The following PEX14 variants were observed in gnomAD, a reference collection of about 807,000 sequenced individuals.
PEX14 encodes peroxisomal membrane protein PEX14.
Under a neutral mutation model 49.5 loss-of-function variants are expected in PEX14, and 15 were observed. The observed-to-expected ratio is 0.30, with a 90% CI of 0.20 to 0.47. PEX14 has a LOEUF of 0.47. PEX14 is among the 20% of genes least tolerant of loss of function. PEX14 has a pLI of 1.00. For missense variants in PEX14, 398 were observed against 494.8 expected, an observed-to-expected ratio of 0.80 and a Z score of 1.86; for synonymous variants, 210 against 212.7, an observed-to-expected ratio of 0.99 and a Z score of 0.11.
At chr1:10,551,535 G>A (rs953911248) in intron 3 of PEX14, among the ~76,000 whole-genome samples, 2 of 152,028 alleles carry the variant, frequency 1.3e-5, no homozygotes, top group African/African-American at 4.8e-5. Context: ...GGCAGTAAAT[G>A]TATTTCACGC....
intron 3 of PEX14, among the ~76,000 whole-genome samples, chr1:10,589,790 T>A (rs569800813): frequency 6.6e-6 from 1 of 152,358 alleles, no homozygotes; most frequent in South Asian, 2.1e-4. Context: ...TGAACATTTT[T>A]AAAACTCTTG....
intron 3 of PEX14, among the ~76,000 whole-genome samples, chr1:10,570,579 G>A (rs1306710731): frequency 3.3e-5 from 5 of 152,092 alleles, no homozygotes; most frequent in Admixed American, 2.6e-4. Flanking sequence ...TGATCCGCCC[G>A]CCTCAGCCTC....
rs148136328 is a variant in PEX14, at chr1:10,595,675, C to T, written c.170-3563C>T. 7.7e-4 allele frequency among the ~76,000 whole-genome samples: 118 copies of T among 152,316 alleles called. 1 individual carries two copies. In the East Asian group the frequency reaches 0.019, roughly 24 times the overall value. On this transcript the variant is annotated intron_variant, in intron 3 of 8. Coordinates refer to ENST00000356607, the MANE Select transcript of PEX14 (RefSeq NM_004565.3). ...TAGAGGAGGGAGGAGGCTTGCAGGA[C>T]GGTGAAGCCCTTTGCTTCCAGCTCT...
intron 3 of PEX14, among the ~76,000 whole-genome samples, chr1:10,570,418 C>T (rs1317572871): frequency 1.3e-5 from 2 of 151,702 alleles, no homozygotes; most frequent in Non-Finnish European, 2.9e-5. Context: ...CTGCAATCTC[C>T]ACCTCCCGTG....
Position 10,494,910 on chromosome 1 carries a change from GTGT to G in PEX14, c.37-360_37-358del, listed in dbSNP as rs1641531735. On this transcript the variant is annotated intron_variant, in intron 1 of 8. Transcript: ENST00000356607. This position sits in a 1 kb window ranked among gnomAD's most constrained non-coding sequence, Gnocchi z 4.3. ...GTTGGGGAGGTGGCAGAAAGAGGAGGTGTTGTGCTCTCTCTTCAGGCCTTTTCT... is the reference window on the plus strand; with the variant it reads ...GTTGGGGAGGTGGCAGAAAGAGGAGGTGTGCTCTCTCTTCAGGCCTTTTCT... Among the ~76,000 whole-genome samples the G allele has an allele frequency of 3.3e-5, 5 of 152,174 alleles. No homozygotes were observed. Among genetic ancestry groups the G allele is most frequent in the Admixed American group, 6.6e-5 (1 of 15,266 alleles).
intron 2 of PEX14, among the ~76,000 whole-genome samples, chr1:10,506,859 A>G (rs1335503979): frequency 6.6e-6 from 1 of 152,226 alleles, no homozygotes; most frequent in African/African-American, 2.4e-5. Context: ...GTGGGCCCAC[A>G]CTCAAAGCAA....
At chr1:10,475,032 G>C (rs776689876) in intron 1 of PEX14, 30 bp downstream of exon 1, 2 of 1,597,838 alleles carry the variant, frequency 1.3e-6, no homozygotes. Flanking sequence ...CCCGCTGTGC[G>C]GCGGAGACCC....
intron 2 of PEX14, among the ~76,000 whole-genome samples, chr1:10,531,303 G>A (rs1638643682): frequency 6.6e-6 from 1 of 152,128 alleles, no homozygotes; most frequent in South Asian, 2.1e-4. Context: ...CTGTGCCGCC[G>A]ATGACCATAT....
chr1:10,484,720 C>T (rs1437552578), intron 1 of PEX14, among the ~76,000 whole-genome samples: 2 of 151,520 alleles, frequency 1.3e-5, no homozygotes, highest in Non-Finnish European at 2.9e-5. Context: ...GGACTGTGGT[C>T]GCTGACTAGG....
At chr1:10,593,005 C>T (rs892856179) in intron 3 of PEX14, among the ~76,000 whole-genome samples, 3 of 152,204 alleles carry the variant, frequency 2.0e-5, no homozygotes, top group African/African-American at 7.2e-5. Context: ...TCTCTTTAGG[C>T]TTCGAGTGGA....
intron 2 of PEX14, among the ~76,000 whole-genome samples, chr1:10,505,991 C>G (rs1180307056): frequency 6.6e-6 from 1 of 150,856 alleles, no homozygotes; most frequent in Non-Finnish European, 1.5e-5. Flanking sequence ...CGTTTAGAGT[C>G]TTTTGTGAAA....
chr1:10,599,158 CTT>C, intron 3 of PEX14, 78 bp from the exon 4 acceptor site: 1 of 1,454,648 alleles, frequency 6.9e-7, no homozygotes, highest in Non-Finnish European at 9.7e-7. Flanking sequence ...CTGTAAAGGT[CTT>C]TGCTCAGTGA....
rs1638594251 is a variant in PEX14 at position 10,529,840 on chromosome 1, G to A, written c.85-6373G>A. On this transcript the variant is annotated intron_variant, in intron 2 of 8. Coordinates refer to ENST00000356607, the MANE Select transcript of PEX14 (RefSeq NM_004565.3). This position sits in a 1 kb window ranked among gnomAD's most constrained non-coding sequence, Gnocchi z 4.2. The stretch of plus-strand genomic sequence containing the variant: ...AAACAAAAGGACAGAGGAAAGTAAA[G>A]TAAAACAAAGGAAATTAGGGCCCAC... Among the ~76,000 whole-genome samples the A allele has an allele frequency of 6.6e-6, 1 of 152,184 alleles. No homozygotes were observed. Among genetic ancestry groups the A allele is most frequent in the Admixed American group, 6.5e-5 (1 of 15,274 alleles).
chr1:10,589,446 A>G (rs1640595335), intron 3 of PEX14, among the ~76,000 whole-genome samples: 1 of 152,206 alleles, frequency 6.6e-6, no homozygotes, highest in South Asian at 2.1e-4. Flanking sequence ...AGTTGAATTC[A>G]GAGTGTAAGT....
At chr1:10,586,183 C>T (rs958532955) in intron 3 of PEX14, among the ~76,000 whole-genome samples, 2 of 152,130 alleles carry the variant, frequency 1.3e-5, no homozygotes, top group African/African-American at 4.8e-5. Context: ...TTACGTAGAA[C>T]GCTGTACTCA....
Position 10,630,077 on chromosome 1 carries a change from C to A in PEX14, c.*90C>A. ...GCCTCCCTCTCTGGCCCTGGGAGGG[C>A]AGCTTGGAGCCCAGGTAGGGGGCAG... On this transcript the variant is annotated 3_prime_UTR_variant, in exon 9 of 9. Transcript: ENST00000356607. This position sits in a 1 kb window ranked among gnomAD's most constrained non-coding sequence, Gnocchi z 4.1. 1 of 1,568,564 alleles carries A rather than the reference C, an allele frequency of 6.4e-7. No individual in the cohort carries two copies. The highest frequency in any genetic ancestry group is 8.6e-7 in the Non-Finnish European group (1 of 1,162,688).
chr1:10,595,750 C>T (rs1464428647), intron 3 of PEX14, among the ~76,000 whole-genome samples: 1 of 152,138 alleles, frequency 6.6e-6, no homozygotes, highest in African/African-American at 2.4e-5. Flanking sequence ...TTATTCCTTG[C>T]AGATAGCAAT....
intron 1 of PEX14, among the ~76,000 whole-genome samples, chr1:10,475,233 C>T (rs1380784179): frequency 2.0e-5 from 3 of 152,006 alleles, no homozygotes; most frequent in South Asian, 2.1e-4. Context: ...TGGCTGTGCC[C>T]CCGGGTCCCC....
rs1241335601 is a variant in PEX14, at chr1:10,599,123, T to TA, written c.170-114dup. The TA allele has an allele frequency of 3.7e-6, 4 of 1,074,578 alleles. No homozygotes were observed. The Admixed American group carries it at 6.8e-5, about 18-fold the overall frequency. 66.6% of individuals were successfully genotyped at this position (1,074,578 alleles called of 1,614,324 possible). ...AGAATCTGAAATCGGGGAGGCAACT[T>TA]ACTAGGATGCGAGGCATTCTGTGGC... is the stretch of plus-strand genomic sequence containing the variant. On this transcript the variant is annotated intron_variant, in intron 3 of 8. Coordinates refer to ENST00000356607, the MANE Select transcript of PEX14 (RefSeq NM_004565.3).
Sources: allele counts gnomAD v4.1 joint callset (sites outside exome capture counted in the v4.1 genomes callset), GRCh38; gene constraint gnomAD v4.1.1; non-coding constraint Gnocchi (gnomAD v3.1); transcripts MANE v1.5; gene names NCBI Gene and HGNC (gene_info 2026-07-23, HGNC 2026-07-21).